The following TUT4 variants were observed in gnomAD, a reference collection of about 807,000 sequenced individuals.
TUT4 encodes terminal uridylyltransferase 4.
In TUT4, 36 loss-of-function variants were observed where a neutral mutation model predicts 192.2. The ratio of observed to expected loss-of-function variants is 0.19; its 90% confidence interval spans 0.14 to 0.25. The LOEUF is 0.25. TUT4 is among the 10% of genes least tolerant of loss of function. The pLI, the probability that TUT4 is intolerant of heterozygous loss-of-function variation, is 1.00. For synonymous variants in TUT4, 618 were observed against 666.0 expected (o/e 0.93, Z 1.11); for missense variants, 1,493 against 1,957.2 (o/e 0.76, Z 4.47).
chr1:52,442,883 A>G (rs1354875028), intron 24 of TUT4, among the ~76,000 whole-genome samples: 2 of 152,234 alleles, frequency 1.3e-5, no homozygotes, highest in Non-Finnish European at 2.9e-5. Flanking sequence ...TTTGACATCT[A>G]TATGTAATTA....
intron 4 of TUT4, among the ~76,000 whole-genome samples, chr1:52,502,440 A>G (rs1275959331): frequency 1.3e-5 from 2 of 152,120 alleles, no homozygotes; most frequent in Admixed American, 1.3e-4. Context: ...CGAACCCTTA[A>G]TATCTTTCTT....
chr1:52,493,581 A>G (rs1553193792), intron 7 of TUT4, 30 bp downstream of exon 7: 5 of 1,403,434 alleles, frequency 3.6e-6, no homozygotes, highest in East Asian at 4.7e-5. Flanking sequence ...ATTAAAAAAA[A>G]AAAAGAAAAG....
At chr1:52,516,595 G>C (rs1427160174) in intron 2 of TUT4, among the ~76,000 whole-genome samples, 1 of 152,102 alleles carries the variant, frequency 6.6e-6, no homozygotes, top group Non-Finnish European at 1.5e-5. Flanking sequence ...ATCTCTTTGA[G>C]GCACAGACTA....
intron 4 of TUT4, among the ~76,000 whole-genome samples, chr1:52,499,027 C>A (rs1673372992): frequency 7.3e-6 from 1 of 136,940 alleles, no homozygotes; most frequent in Non-Finnish European, 1.5e-5. Context: ...CCCCAAATAG[C>A]CAAAACGATC....
intron 13 of TUT4, among the ~76,000 whole-genome samples, chr1:52,473,849 C>T (rs985118559): frequency 6.6e-6 from 1 of 151,894 alleles, no homozygotes; most frequent in Non-Finnish European, 1.5e-5. Context: ...AAGCAGTTAT[C>T]GCTTACTTCC....
chr1:52,490,059 T>C (rs1279977386), intron 8 of TUT4, among the ~76,000 whole-genome samples: 2 of 152,076 alleles, frequency 1.3e-5, no homozygotes, highest in African/African-American at 4.8e-5. Flanking sequence ...TGATCTTGAG[T>C]TTATTCAATT....
At chr1:52,519,894 T>C (rs1005643024) in intron 2 of TUT4, among the ~76,000 whole-genome samples, 1 of 151,768 alleles carries the variant, frequency 6.6e-6, no homozygotes, top group African/African-American at 2.4e-5. Flanking sequence ...TTTTATGACA[T>C]ATAAATCCCA....
At chr1:52,437,137 G>A in intron 25 of TUT4, 159 bp from the exon 26 acceptor site, 1 of 953,326 alleles carries the variant, frequency 1.0e-6, no homozygotes, top group Non-Finnish European at 1.5e-6. Context: ...CTGCTCATTT[G>A]GCAGGAACTC....
At chr1:52,511,487 A>G (rs1167645158) in intron 3 of TUT4, among the ~76,000 whole-genome samples, 4 of 152,334 alleles carry the variant, frequency 2.6e-5, no homozygotes, top group African/African-American at 9.6e-5. Context: ...CAGTGTAAGG[A>G]GACAGGTAAT....
At chr1:52,510,506 T>C (rs1676867675) in intron 3 of TUT4, among the ~76,000 whole-genome samples, 2 of 152,012 alleles carry the variant, frequency 1.3e-5, no homozygotes, top group Admixed American at 1.3e-4. Context: ...AAAAGTTGAG[T>C]TCGAAAAACA....
At chr1:52,469,789 C>T (rs1665195212) in intron 14 of TUT4, among the ~76,000 whole-genome samples, 1 of 150,032 alleles carries the variant, frequency 6.7e-6, no homozygotes, top group Admixed American at 6.7e-5. Flanking sequence ...ACTCGGGAGG[C>T]TGAGGCAGGA....
intron 9 of TUT4, among the ~76,000 whole-genome samples, chr1:52,486,935 T>C (rs1669939853): frequency 6.6e-6 from 1 of 152,170 alleles, no homozygotes; most frequent in Admixed American, 6.5e-5. Flanking sequence ...TAGAACAATG[T>C]CTGGGAGAAA....
At chr1:52,424,390 G>C (rs1013323989) in intron 29 of TUT4, 2 of 182,008 alleles carry the variant, frequency 1.1e-5, no homozygotes, top group East Asian at 1.5e-4. Context: ...GTAGTATATG[G>C]GTGGTTTAAG....
intron 2 of TUT4, 134 bp from the exon 3 acceptor site, chr1:52,516,188 T>C: frequency 1.4e-6 from 1 of 718,880 alleles, no homozygotes; most frequent in African/African-American, 1.8e-5. Flanking sequence ...AGTATACAAG[T>C]TGGTATGCAT....
chr1:52,444,544 G>T (rs1656786028), intron 24 of TUT4, among the ~76,000 whole-genome samples: 1 of 151,672 alleles, frequency 6.6e-6, no homozygotes, highest in African/African-American at 2.4e-5. Flanking sequence ...AATTTCATTG[G>T]ACTGAAGCAC....
At chr1:52,518,907 T>TA (rs746969614) in intron 2 of TUT4, among the ~76,000 whole-genome samples, 7 of 152,200 alleles carry the variant, frequency 4.6e-5, no homozygotes, top group Non-Finnish European at 1.0e-4. Context: ...TGAATGTACT[T>TA]AGTGTCACTG....
chr1:52,525,518 C>G (rs1446327279), intron 2 of TUT4, 45 bp downstream of exon 2: 1 of 1,558,168 alleles, frequency 6.4e-7, no homozygotes, highest in Non-Finnish European at 8.7e-7. Flanking sequence ...CGGGGATAAT[C>G]TAAAGAACAT....
chr1:52,435,391 T>G lies in TUT4; in HGVS notation c.4237A>C (p.Ile1413Leu), dbSNP rs777734607. 1.9e-6 allele frequency: 3 copies of G among 1,614,136 alleles called. No individual in the cohort carries two copies. In the South Asian group the frequency reaches 3.3e-5, roughly 18 times the overall value. The part of the protein sequence containing the change: ...GSAQQQGDQS[I>L]RTRQSSECSE... Reference sequence around the variant, plus strand: ...CATTCTGATGACTGTCTAGTCCTTATGGACTGATCACCCTGTTGCTGAGCT... The same window carrying G: ...CATTCTGATGACTGTCTAGTCCTTAGGGACTGATCACCCTGTTGCTGAGCT... Residue 1413 changes from isoleucine to leucine, a missense_variant, in exon 27 of 30, where the codon ATA becomes CTA. Ile to Leu is a conservative substitution (Grantham distance 5). This residue lies in a region of TUT4 where 351 missense variants were observed against 397.8 expected (regional missense o/e 0.88). Transcript: ENST00000257177.
intron 5 of TUT4, among the ~76,000 whole-genome samples, chr1:52,496,398 ATTCT>A (rs1401962430): frequency 1.3e-5 from 2 of 152,138 alleles, no homozygotes; most frequent in South Asian, 2.1e-4. Context: ...TCAATTTTAT[ATTCT>A]TTCTTATAAA....
Sources: allele counts gnomAD v4.1 joint callset (sites outside exome capture counted in the v4.1 genomes callset), GRCh38; gene constraint gnomAD v4.1.1; regional missense constraint gnomAD v4.1.1; transcripts MANE v1.5; gene names NCBI Gene and HGNC (gene_info 2026-07-23, HGNC 2026-07-21).